The following CTNNA2 variants were observed in gnomAD, a reference collection of about 807,000 sequenced individuals.
CTNNA2 encodes catenin alpha 2, also known as catenin alpha-2.
CTNNA2 carries 42 observed loss-of-function variants against 101.0 expected under a neutral mutation model. The observed-to-expected ratio is 0.42, with a 90% CI of 0.32 to 0.54. The LOEUF (loss-of-function observed/expected upper bound fraction) is 0.54, where lower values mean the gene tolerates loss of function less well. Ranked by LOEUF, CTNNA2 falls within the 20% of genes least tolerant of loss-of-function variation. CTNNA2 has a pLI of 0.14. For synonymous variants in CTNNA2, 450 were observed against 456.4 expected (o/e 0.99, Z 0.18); for missense variants, 871 against 1,223.1 (o/e 0.71, Z 4.29).
intron 7 of CTNNA2, among the ~76,000 whole-genome samples, chr2:80,105,608 A>G (rs140967872): frequency 2.0e-5 from 3 of 152,042 alleles, no homozygotes; most frequent in Non-Finnish European, 4.4e-5. Context: ...TGGTTGGCGC[A>G]TGGCTGTGGT....
intron 7 of CTNNA2, among the ~76,000 whole-genome samples, chr2:80,232,375 TTTTTTTTTTTTTTGTTAACACTAG>T (rs1558926551): frequency 1.6e-4 from 13 of 81,112 alleles, no homozygotes; most frequent in African/African-American, 4.5e-4. Flanking sequence ...TTTTTTTTTT[TTTTTTTTTTTTTTGTTAACACTAG>T]TTTTGGCAGC....
At chr2:80,127,959 A>G (rs903768313) in intron 7 of CTNNA2, among the ~76,000 whole-genome samples, 3 of 152,066 alleles carry the variant, frequency 2.0e-5, no homozygotes, top group South Asian at 4.2e-4. Context: ...TAAAATATCA[A>G]TTATATTCAC....
chr2:80,494,244 A>G (rs1437007126), intron 9 of CTNNA2, among the ~76,000 whole-genome samples: 1 of 152,228 alleles, frequency 6.6e-6, no homozygotes, highest in East Asian at 1.9e-4. Flanking sequence ...TAATTTTTAC[A>G]GAGAGTTGAA....
chr2:79,226,640 C>T (rs979859622), intron 2 of CTNNA2, among the ~76,000 whole-genome samples: 3 of 152,056 alleles, frequency 2.0e-5, no homozygotes, highest in African/African-American at 7.2e-5. Context: ...TTATTATTTC[C>T]CTTTTTAAAA....
intron 2 of CTNNA2, among the ~76,000 whole-genome samples, chr2:79,244,577 G>A (rs756480942): frequency 1.3e-5 from 2 of 152,178 alleles, no homozygotes; most frequent in African/African-American, 4.8e-5. Context: ...TAGTAAACAT[G>A]TAGAAAGACA....
chr2:79,277,739 T>C (rs997506124), intron 2 of CTNNA2, among the ~76,000 whole-genome samples: 4 of 152,102 alleles, frequency 2.6e-5, no homozygotes, highest in Non-Finnish European at 5.9e-5. Context: ...TCTTCTGTAA[T>C]GATGCTTTTA....
chr2:80,039,061 T>G (rs1574607862), intron 7 of CTNNA2, among the ~76,000 whole-genome samples: 1 of 151,904 alleles, frequency 6.6e-6, no homozygotes, highest in African/African-American at 2.4e-5. Flanking sequence ...GGAAAAGGAG[T>G]ACAAGATGCT....
intron 6 of CTNNA2, among the ~76,000 whole-genome samples, chr2:79,893,864 A>C (rs1684473005): frequency 1.3e-5 from 2 of 152,190 alleles, no homozygotes; most frequent in African/African-American, 4.8e-5. Context: ...AGGATAACTA[A>C]ACTTTCTCCT....
At chr2:80,259,528 G>A (rs188410413) in intron 7 of CTNNA2, among the ~76,000 whole-genome samples, 15 of 152,092 alleles carry the variant, frequency 9.9e-5, no homozygotes, top group East Asian at 1.9e-4. Context: ...CTGGCACTGC[G>A]CCTCTCCCGC....
At chr2:79,491,697 C>T (rs756107228) in intron 4 of CTNNA2, among the ~76,000 whole-genome samples, 7 of 152,248 alleles carry the variant, frequency 4.6e-5, no homozygotes, top group Non-Finnish European at 7.4e-5. Flanking sequence ...AGGATCACAT[C>T]ACTGTAGAAG....
intron 7 of CTNNA2, among the ~76,000 whole-genome samples, chr2:79,967,113 C>G (rs903205349): frequency 2.0e-5 from 1 of 49,420 alleles, no homozygotes; most frequent in African/African-American, 6.9e-5. Flanking sequence ...CACACGCGCA[C>G]GCACGTGTGT....
intron 7 of CTNNA2, among the ~76,000 whole-genome samples, chr2:80,366,680 C>T (rs1359514513): frequency 6.6e-6 from 1 of 152,102 alleles, no homozygotes; most frequent in African/African-American, 2.4e-5. Context: ...TCCCTTCTTC[C>T]TCCGCTGCTG....
intron 1 of CTNNA2, among the ~76,000 whole-genome samples, chr2:79,568,879 A>G (rs1675287598): frequency 1.0e-5 from 1 of 99,064 alleles, no homozygotes; most frequent in Non-Finnish European, 2.3e-5. Flanking sequence ...AAAAAAAAAA[A>G]AAAAAAAAGC....
intron 8 of CTNNA2, among the ~76,000 whole-genome samples, chr2:80,417,406 T>A: frequency 6.6e-6 from 1 of 151,796 alleles, no homozygotes. Flanking sequence ...TTGATTTTCT[T>A]TATTCATGGA....
intron 7 of CTNNA2, among the ~76,000 whole-genome samples, chr2:80,232,345 G>GTTTGTTTTTTTTTTTTTTTT (rs1709286406): frequency 1.5e-5 from 1 of 64,844 alleles, no homozygotes; most frequent in Non-Finnish European, 2.6e-5. Flanking sequence ...TTGTTTGTTT[G>GTTTGTTTTTTTTTTTTTTTT]TTTTTTTTTT....
chr2:80,260,666 A>T (rs1205030897), intron 7 of CTNNA2, among the ~76,000 whole-genome samples: 1 of 152,216 alleles, frequency 6.6e-6, no homozygotes, highest in Non-Finnish European at 1.5e-5. Context: ...TAGGCCAGAG[A>T]CTGAGAAATC....
intron 7 of CTNNA2, among the ~76,000 whole-genome samples, chr2:80,240,768 G>A (rs960747980): frequency 6.6e-5 from 10 of 152,130 alleles, no homozygotes; most frequent in Non-Finnish European, 1.5e-4. Context: ...GTGGAGCCAA[G>A]GTTCAACCTG....
chr2:80,459,281 AGC>A (rs1684232382), intron 9 of CTNNA2, among the ~76,000 whole-genome samples: 1 of 152,042 alleles, frequency 6.6e-6, no homozygotes, highest in Non-Finnish European at 1.5e-5. Flanking sequence ...ACATTAGAAA[AGC>A]TCCCTACGTG....
intron 3 of CTNNA2, among the ~76,000 whole-genome samples, chr2:79,832,906 CTTAT>C (rs1679032868): frequency 1.3e-5 from 2 of 152,154 alleles, no homozygotes; most frequent in Non-Finnish European, 2.9e-5. Context: ...AATTTTAAAC[CTTAT>C]TTGTTTTCCA....
Sources: allele counts gnomAD v4.1 joint callset (sites outside exome capture counted in the v4.1 genomes callset), GRCh38; gene constraint gnomAD v4.1.1; transcripts MANE v1.5; gene names NCBI Gene and HGNC (gene_info 2026-07-23, HGNC 2026-07-21).